Variants in CDC123 observed in about 807,000 individuals in gnomAD.
CDC123 encodes the protein cell division cycle 123.
In CDC123, 37 loss-of-function variants were observed where a neutral mutation model predicts 54.4. That is an observed-to-expected ratio of 0.68 (90% confidence interval 0.52 to 0.89). CDC123 has a LOEUF of 0.89. CDC123 is among the 40% of genes least tolerant of loss of function. The pLI, the probability that CDC123 is intolerant of heterozygous loss-of-function variation, is 0.00. For synonymous variants in CDC123, 144 were observed against 136.8 expected (o/e 1.05, Z -0.37); for missense variants, 361 against 412.1 (o/e 0.88, Z 1.07).
At chr10:12,237,047 A>C (rs1333615389) in intron 8 of CDC123, 97 bp from the exon 9 acceptor site, 1 of 1,364,486 alleles carries the variant, frequency 7.3e-7, no homozygotes, top group African/African-American at 1.5e-5. Context: ...CTTCTAATCT[A>C]CTTTAATGGT....
intron 6 of CDC123, among the ~76,000 whole-genome samples, chr10:12,230,379 G>GAC (rs1222067077): frequency 2.0e-5 from 3 of 152,074 alleles, no homozygotes; most frequent in Non-Finnish European, 4.4e-5. Context: ...TTTTACTAGA[G>GAC]ACAGGGTATC....
At chr10:12,238,615 C>A in intron 10 of CDC123, 130 bp downstream of exon 10, 2 of 1,078,538 alleles carry the variant, frequency 1.9e-6, no homozygotes, top group Non-Finnish European at 1.3e-6. Flanking sequence ...GCAGCTCATG[C>A]CTGTATTCCC....
At chr10:12,226,956 C>A (rs962462921) in intron 6 of CDC123, among the ~76,000 whole-genome samples, 2 of 152,136 alleles carry the variant, frequency 1.3e-5, no homozygotes, top group Non-Finnish European at 2.9e-5. Context: ...TGCACTCCAG[C>A]CTGGGCAACA....
intron 6 of CDC123, among the ~76,000 whole-genome samples, chr10:12,225,749 T>C (rs1159169968): frequency 2.9e-4 from 19 of 65,826 alleles, no homozygotes; most frequent in African/African-American, 6.1e-4. Context: ...CTTCTCTCTT[T>C]TTTTTTTTTT....
Position 12,217,417 on chromosome 10 carries a change from C to T in CDC123, c.390C>T (p.Ile130=), listed in dbSNP as rs1835677086. ...SSLKCKTLSD[I]FLLFKSSDFI... Reference sequence around the variant, plus strand: ...TGAAATGTAAAACCCTCAGCGACATCTTTCTGCTTTTCAAGAGTTCCGATT... The same window carrying T: ...TGAAATGTAAAACCCTCAGCGACATTTTTCTGCTTTTCAAGAGTTCCGATT... The change falls in exon 6 of 13, where the codon ATC becomes ATT. Residue 130 remains isoleucine, a synonymous_variant. Coordinates refer to ENST00000281141, the MANE Select transcript of CDC123 (RefSeq NM_006023.3). The T allele has an allele frequency of 3.7e-6, 6 of 1,614,030 alleles. No individual in the cohort carries two copies. The highest frequency in any genetic ancestry group is 5.1e-6 in the Non-Finnish European group (6 of 1,179,962).
At chr10:12,232,319 T>G (rs1835912270) in intron 7 of CDC123, among the ~76,000 whole-genome samples, 1 of 152,138 alleles carries the variant, frequency 6.6e-6, no homozygotes, top group Non-Finnish European at 1.5e-5. Flanking sequence ...TACATTTTCA[T>G]TTTTGGTCAT....
chr10:12,243,346 C>T (rs111610017), intron 10 of CDC123, among the ~76,000 whole-genome samples: 9 of 144,134 alleles, frequency 6.2e-5, no homozygotes, highest in Admixed American at 2.8e-4. Flanking sequence ...TGCAGTGAGC[C>T]GAGATCTCAC....
chr10:12,196,506 G>C (rs1835349685), intron 1 of CDC123, among the ~76,000 whole-genome samples, 187 bp downstream of exon 1: 1 of 152,200 alleles, frequency 6.6e-6, no homozygotes, highest in Non-Finnish European at 1.5e-5. Context: ...GGCTAGGAGG[G>C]TCAGTTGTGG....
chr10:12,214,589 C>T lies in CDC123; in HGVS notation c.238-1151C>T, dbSNP rs868304477. 5.3e-5 allele frequency among the ~76,000 whole-genome samples: 8 copies of T among 152,196 alleles called. No homozygotes were observed. The South Asian group carries it at 1.0e-3, about 20-fold the overall frequency. On this transcript the variant is annotated intron_variant, in intron 4 of 12. Transcript: ENST00000281141. ...GCAGCCTAATTGGACCTTAAGCTCTCGTTTTTATTCCCTAGCCTTTTGCTC... is the reference window on the plus strand; with the variant it reads ...GCAGCCTAATTGGACCTTAAGCTCTTGTTTTTATTCCCTAGCCTTTTGCTC...
intron 7 of CDC123, among the ~76,000 whole-genome samples, chr10:12,232,214 A>G (rs1472211173): frequency 6.6e-6 from 1 of 152,110 alleles, no homozygotes; most frequent in African/African-American, 2.4e-5. Context: ...CACTGTCAAA[A>G]TGCAAACTTT....
intron 3 of CDC123, 72 bp from the exon 4 acceptor site, chr10:12,210,195 TGTTTGATTTATAATTTTTAGATG>T: frequency 6.7e-7 from 1 of 1,500,976 alleles, no homozygotes; most frequent in Non-Finnish European, 9.1e-7. Flanking sequence ...AGATGTCTCC[TGTTTGATTTATAATTTTTAGATG>T]GAGCACTGCT....
Position 12,198,725 on chromosome 10 carries a change from A to G in CDC123, c.95A>G (p.Gln32Arg). ...TIKSVILPLP[Q>R]NVKDYLLDDG... ...TTTAGTGTCATTCTTCCACTTCCTCAGAATGTGAAGGATTATTTACTCGAT... is the reference window on the plus strand; with the variant it reads ...TTTAGTGTCATTCTTCCACTTCCTCGGAATGTGAAGGATTATTTACTCGAT... Residue 32 changes from glutamine (Q) to arginine (R), a missense_variant, in exon 2 of 13, where the codon CAG becomes CGG. Transcript: ENST00000281141. 8.2e-6 allele frequency: 13 copies of G among 1,592,246 alleles called. No homozygotes were observed. The highest frequency in any genetic ancestry group is 1.1e-5 in the Non-Finnish European group (13 of 1,166,120).
intron 4 of CDC123, among the ~76,000 whole-genome samples, chr10:12,212,032 G>A (rs185815502): frequency 2.6e-5 from 4 of 152,264 alleles, no homozygotes; most frequent in African/African-American, 9.6e-5. Context: ...AGGTTGCAGT[G>A]AACCAAGATT....
chr10:12,247,582 CCT>C (rs944115746), intron 11 of CDC123: 1 of 152,514 alleles, frequency 6.6e-6, no homozygotes, highest in East Asian at 1.9e-4. Context: ...TGCAATTCTT[CCT>C]CTCTATCAAC....
At chr10:12,201,139 T>A (rs1835434401) in intron 2 of CDC123, among the ~76,000 whole-genome samples, 1 of 152,228 alleles carries the variant, frequency 6.6e-6, no homozygotes, top group Non-Finnish European at 1.5e-5. Flanking sequence ...TGCCTCAGTT[T>A]CCTTGTCTGA....
intron 11 of CDC123, among the ~76,000 whole-genome samples, chr10:12,248,674 T>G (rs929671895): frequency 3.4e-5 from 5 of 148,736 alleles, no homozygotes; most frequent in African/African-American, 1.2e-4. Flanking sequence ...GGCATGGTGG[T>G]GCATGCCTGT....
intron 10 of CDC123, among the ~76,000 whole-genome samples, chr10:12,243,666 C>G (rs1187892645): frequency 6.6e-6 from 1 of 151,954 alleles, no homozygotes; most frequent in Non-Finnish European, 1.5e-5. Context: ...CGCCTGTAGT[C>G]CCAGCTACTT....
At chr10:12,220,533 A>T (rs1462849028) in intron 6 of CDC123, among the ~76,000 whole-genome samples, 1 of 152,270 alleles carries the variant, frequency 6.6e-6, no homozygotes, top group African/African-American at 2.4e-5. Flanking sequence ...GCTGGGCGCT[A>T]CTAACGTGTC....
At chr10:12,233,101 T>C (rs1835924633) in intron 7 of CDC123, among the ~76,000 whole-genome samples, 1 of 152,148 alleles carries the variant, frequency 6.6e-6, no homozygotes, top group African/African-American at 2.4e-5. Flanking sequence ...CTCCAAGATT[T>C]ATTTACCAGC....
Sources: allele counts gnomAD v4.1 joint callset (sites outside exome capture counted in the v4.1 genomes callset), GRCh38; gene constraint gnomAD v4.1.1; transcripts MANE v1.5; gene names NCBI Gene and HGNC (gene_info 2026-07-23, HGNC 2026-07-21).